Variants in LOXHD1 observed in about 807,000 individuals in gnomAD.
LOXHD1 encodes the protein lipoxygenase homology domain-containing protein 1.
A neutral mutation model predicts 248.2 loss-of-function variants in LOXHD1; 205 were observed. The ratio of observed to expected loss-of-function variants is 0.83; its 90% CI spans 0.74 to 0.93. The LOEUF (loss-of-function observed/expected upper bound fraction) is 0.93. Among genes scored for constraint, LOXHD1 ranks in the 40% least tolerant of loss-of-function variants. The pLI is 0.00. For missense variants in LOXHD1, 2,930 were observed against 2,971.6 expected (o/e 0.99, Z 0.33); for synonymous variants, 1,113 against 1,162.8 (o/e 0.96, Z 0.87).
intron 21 of LOXHD1, among the ~76,000 whole-genome samples, chr18:46,553,381 A>G (rs2143915292): frequency 6.6e-6 from 1 of 152,320 alleles, no homozygotes; most frequent in East Asian, 1.9e-4. Flanking sequence ...TGCCTTTCCC[A>G]AGGCCACATA....
chr18:46,505,494 C>A (rs1268347342), intron 37 of LOXHD1, among the ~76,000 whole-genome samples: 1 of 152,196 alleles, frequency 6.6e-6, no homozygotes, highest in Non-Finnish European at 1.5e-5. Context: ...AAACATAATC[C>A]TTTATAGAAA....
At chr18:46,612,227 T>C (rs1002889560) in intron 5 of LOXHD1, among the ~76,000 whole-genome samples, 1 of 152,214 alleles carries the variant, frequency 6.6e-6, no homozygotes, top group Admixed American at 6.5e-5. Context: ...ACTGCACATT[T>C]GTAAGAACAG....
chr18:46,579,885 A>T (rs1025178144), intron 12 of LOXHD1, 101 bp from the exon 13 acceptor site: 163 of 1,384,412 alleles, frequency 1.2e-4, no homozygotes, highest in Admixed American at 6.9e-5. Flanking sequence ...CTCTCCTTCT[A>T]GTTCTCATCT....
chr18:46,563,950 C>T lies in LOXHD1; in HGVS notation c.2438-725G>A, dbSNP rs151226302. On this transcript the variant is annotated intron_variant, in intron 17 of 40. Transcript: ENST00000642948. ...GCGATCCATCGAAAAAGGAGACTCA[C>T]TCCAGAAAAAACAAGCTCTACAAAA... Among the ~76,000 whole-genome samples the T allele has an allele frequency of 8.6e-3, 1,312 of 152,256 alleles. 13 individuals carry two copies. The highest frequency in any genetic ancestry group is 0.024 in the Middle Eastern group (7 of 294).
At chr18:46,512,109 G>A (rs2034996579) in intron 34 of LOXHD1, among the ~76,000 whole-genome samples, 1 of 152,144 alleles carries the variant, frequency 6.6e-6, no homozygotes, top group African/African-American at 2.4e-5. Flanking sequence ...ACCAGCCTAG[G>A]AGGATGAGAG....
intron 14 of LOXHD1, among the ~76,000 whole-genome samples, chr18:46,576,907 C>T (rs1258020986): frequency 6.6e-6 from 1 of 152,188 alleles, no homozygotes; most frequent in Non-Finnish European, 1.5e-5. Context: ...ACACTCATTA[C>T]TGGGCAGCTG....
intron 4 of LOXHD1, among the ~76,000 whole-genome samples, chr18:46,619,916 T>C (rs2038644898): frequency 6.6e-6 from 1 of 152,202 alleles, no homozygotes; most frequent in Non-Finnish European, 1.5e-5. Context: ...ACTGTCAGAC[T>C]CCCACACCTC....
chr18:46,548,566 T>A (rs2036949675), intron 21 of LOXHD1, among the ~76,000 whole-genome samples: 1 of 152,232 alleles, frequency 6.6e-6, no homozygotes, highest in Non-Finnish European at 1.5e-5. Context: ...CTGTTCTGCT[T>A]CTTAGCCTTT....
chr18:46,642,079 C>G, intron 2 of LOXHD1, 43 bp from the exon 3 acceptor site: 1 of 1,534,352 alleles, frequency 6.5e-7, no homozygotes, highest in South Asian at 1.2e-5. Flanking sequence ...GCTGTTGGCT[C>G]ACAGGCCTGG....
rs35007621 is a variant in LOXHD1 at position 46,579,697 on chromosome 18, A to G, written c.1742T>C (p.Val581Ala). The change falls in exon 13 of 41, where the codon GTG (valine) becomes GCG (alanine). Residue 581 changes from valine to alanine, a missense_variant. Val to Ala is a moderately conservative substitution (Grantham distance 64). Transcript: ENST00000642948. ...GAGCAGCCGTTCCCCCGTGTCCCCC[A>G]CATCACCAAAAAGGCAGAGATAGAC... ...ANVYLCLFGD[V>A]GDTGERLLYN... 2,458 of 1,551,732 alleles carry G rather than the reference A, an allele frequency of 1.6e-3. 44 individuals are homozygous for G. In the African/African-American group the frequency reaches 0.031, roughly 20 times the overall value.
intron 4 of LOXHD1, among the ~76,000 whole-genome samples, chr18:46,633,495 G>T (rs1250230605): frequency 6.6e-6 from 1 of 152,110 alleles, no homozygotes; most frequent in Admixed American, 6.5e-5. Flanking sequence ...AGACCTAAAT[G>T]TAACAACAAA....
At chr18:46,479,236 A>ATATGTGTG (rs1555651834) in intron 40 of LOXHD1, among the ~76,000 whole-genome samples, 1 of 142,784 alleles carries the variant, frequency 7.0e-6, no homozygotes, top group Non-Finnish European at 1.5e-5. Context: ...ATATATATGT[A>ATATGTGTG]TGTGTGTGTG....
At chr18:46,571,417 C>A (rs1473994573) in intron 15 of LOXHD1, among the ~76,000 whole-genome samples, 1 of 152,138 alleles carries the variant, frequency 6.6e-6, no homozygotes, top group Non-Finnish European at 1.5e-5. Flanking sequence ...CTGCAATGAG[C>A]CAAAATCACA....
At chr18:46,501,478 G>C (rs947463513) in intron 37 of LOXHD1, among the ~76,000 whole-genome samples, 2 of 152,218 alleles carry the variant, frequency 1.3e-5, no homozygotes, top group Non-Finnish European at 2.9e-5. Flanking sequence ...CAAGAAGGCT[G>C]TAACGTGCCT....
chr18:46,596,651 A>G (rs926879589), intron 8 of LOXHD1, among the ~76,000 whole-genome samples: 3 of 152,194 alleles, frequency 2.0e-5, no homozygotes, highest in African/African-American at 7.2e-5. Context: ...AGTTTTACCT[A>G]AGAAATAGTT....
intron 4 of LOXHD1, among the ~76,000 whole-genome samples, chr18:46,634,492 T>C (rs2038867461): frequency 6.6e-6 from 1 of 152,264 alleles, no homozygotes; most frequent in South Asian, 2.1e-4. Flanking sequence ...GATGAAATGC[T>C]GTAAAACTTT....
At chr18:46,564,640 G>A (rs1415710595) in intron 17 of LOXHD1, among the ~76,000 whole-genome samples, 1 of 152,096 alleles carries the variant, frequency 6.6e-6, no homozygotes, top group African/African-American at 2.4e-5. Flanking sequence ...GGGGGGTTGG[G>A]GTAAGGGGAA....
chr18:46,645,418 G>T (rs554710926), intron 2 of LOXHD1, among the ~76,000 whole-genome samples: 4 of 152,286 alleles, frequency 2.6e-5, no homozygotes, highest in African/African-American at 9.6e-5. Context: ...AGAGCCATCG[G>T]GCTAAAATGC....
intron 25 of LOXHD1, among the ~76,000 whole-genome samples, chr18:46,538,862 G>C (rs1171134525): frequency 6.6e-6 from 1 of 152,136 alleles, no homozygotes; most frequent in Non-Finnish European, 1.5e-5. Context: ...CCTGCTCCCA[G>C]TCTCTCACTT....
Sources: allele counts gnomAD v4.1 joint callset (sites outside exome capture counted in the v4.1 genomes callset), GRCh38; gene constraint gnomAD v4.1.1; transcripts MANE v1.5; gene names NCBI Gene and HGNC (gene_info 2026-07-23, HGNC 2026-07-21).